Variants in ADARB2 observed in about 807,000 individuals in gnomAD.
ADARB2 encodes the protein adenosine deaminase RNA specific B2 (inactive).
A neutral mutation model predicts 62.2 loss-of-function variants in ADARB2; 25 were observed. The observed-to-expected ratio is 0.40, with a 90% CI of 0.29 to 0.56. The LOEUF (loss-of-function observed/expected upper bound fraction) is 0.56, where lower values mean the gene tolerates loss of function less well. ADARB2 is among the 20% of genes least tolerant of loss of function. The pLI, the probability that ADARB2 is intolerant of heterozygous loss-of-function variation, is 0.43. For missense variants in ADARB2, 1,071 were observed against 1,077.4 expected (o/e 0.99, Z 0.08); for synonymous variants, 572 against 500.8 (o/e 1.14, Z -1.90).
At chr10:1,384,247 C>T (rs532340284) in intron 1 of ADARB2, among the ~76,000 whole-genome samples, 16 of 152,340 alleles carry the variant, frequency 1.1e-4, no homozygotes, top group East Asian at 7.7e-4. Flanking sequence ...CTACGCTTCC[C>T]GGTCCAAGGA....
intron 1 of ADARB2, among the ~76,000 whole-genome samples, chr10:1,703,093 G>A (rs760541685): frequency 8.5e-5 from 13 of 152,156 alleles, no homozygotes; most frequent in Non-Finnish European, 1.6e-4. Flanking sequence ...AAGCAGACCC[G>A]TTCACTGATT....
intron 3 of ADARB2, among the ~76,000 whole-genome samples, chr10:1,345,362 T>C (rs1832071369): frequency 1.3e-5 from 2 of 152,186 alleles, no homozygotes; most frequent in Admixed American, 1.3e-4. Context: ...CTGCATATGT[T>C]GCTCCGGACA....
intron 1 of ADARB2, among the ~76,000 whole-genome samples, chr10:1,724,591 T>G (rs1208542404): frequency 6.6e-6 from 1 of 152,160 alleles, no homozygotes; most frequent in African/African-American, 2.4e-5. Flanking sequence ...TGCTCCTCAT[T>G]TCCATGGCCA....
chr10:1,393,970 G>T (rs141925356), intron 1 of ADARB2, among the ~76,000 whole-genome samples: 1 of 152,222 alleles, frequency 6.6e-6, no homozygotes, highest in African/African-American at 2.4e-5. Context: ...GGGGGTGGAG[G>T]CTGCAGAAGT....
At chr10:1,190,132 C>T (rs761597351) in intron 8 of ADARB2, among the ~76,000 whole-genome samples, 4 of 152,040 alleles carry the variant, frequency 2.6e-5, no homozygotes, top group Non-Finnish European at 4.4e-5. Context: ...AGAAATTGCA[C>T]GCAGGAGTCT....
At chr10:1,670,816 A>AGAGCAG (rs903402411) in intron 1 of ADARB2, among the ~76,000 whole-genome samples, 29 of 152,262 alleles carry the variant, frequency 1.9e-4, no homozygotes, top group African/African-American at 6.3e-4. Flanking sequence ...TGGTTCTGTA[A>AGAGCAG]GAGCAGGAGC....
chr10:1,585,848 C>A (rs542982024), intron 1 of ADARB2, among the ~76,000 whole-genome samples: 3 of 152,226 alleles, frequency 2.0e-5, no homozygotes, highest in South Asian at 4.1e-4. Flanking sequence ...TCCTGGCTAA[C>A]ACGGTGAAAC....
chr10:1,570,470 G>A (rs1010140620), intron 1 of ADARB2, among the ~76,000 whole-genome samples: 3 of 152,286 alleles, frequency 2.0e-5, no homozygotes, highest in East Asian at 1.9e-4. Flanking sequence ...CTCACCGCAC[G>A]GCAGGAAAGG....
intron 1 of ADARB2, among the ~76,000 whole-genome samples, chr10:1,721,391 A>G (rs2119165147): frequency 6.6e-6 from 1 of 152,328 alleles, no homozygotes; most frequent in Non-Finnish European, 1.5e-5. Context: ...TAAAAGTACC[A>G]CCTTACTGTC....
chr10:1,247,363 T>C (rs907142213), intron 4 of ADARB2, among the ~76,000 whole-genome samples: 6 of 152,204 alleles, frequency 3.9e-5, no homozygotes, highest in African/African-American at 1.2e-4. Flanking sequence ...CTTCCAACAC[T>C]ATGTTGAATA....
chr10:1,716,864 CAAA>C (rs1835022287), intron 1 of ADARB2, among the ~76,000 whole-genome samples: 1 of 152,118 alleles, frequency 6.6e-6, no homozygotes, highest in South Asian at 2.1e-4. Context: ...AAAAAGTCTA[CAAA>C]ATAACCGTAA....
At chr10:1,638,637 G>T (rs1364464938) in intron 1 of ADARB2, among the ~76,000 whole-genome samples, 1 of 152,100 alleles carries the variant, frequency 6.6e-6, no homozygotes, top group Non-Finnish European at 1.5e-5. Context: ...ACAACAAGCC[G>T]ATGAGGCAGA....
At chr10:1,585,389 A>T (rs1833162086) in intron 1 of ADARB2, among the ~76,000 whole-genome samples, 1 of 152,030 alleles carries the variant, frequency 6.6e-6, no homozygotes, top group Non-Finnish European at 1.5e-5. Context: ...CTACAAAGAT[A>T]AAAAAAAGCT....
At chr10:1,441,487 C>T (rs1465208920) in intron 1 of ADARB2, among the ~76,000 whole-genome samples, 1 of 152,036 alleles carries the variant, frequency 6.6e-6, no homozygotes, top group African/African-American at 2.4e-5. Context: ...GGAAGACACT[C>T]AATAATAAAT....
chr10:1,675,213 C>T (rs1253366379), intron 1 of ADARB2: 2 of 958,332 alleles, frequency 2.1e-6, no homozygotes, highest in Non-Finnish European at 2.4e-6. Context: ...GGTTTGGGTT[C>T]AGGGATGCAT....
chr10:1,185,715 C>T (rs1836747287), intron 8 of ADARB2, among the ~76,000 whole-genome samples: 1 of 152,222 alleles, frequency 6.6e-6, no homozygotes, highest in Admixed American at 6.5e-5. Flanking sequence ...CCTGTGTGAG[C>T]TGCAGGGCTG....
At chr10:1,676,569 C>T (rs754752529) in intron 1 of ADARB2, among the ~76,000 whole-genome samples, 21 of 152,082 alleles carry the variant, frequency 1.4e-4, no homozygotes, top group Non-Finnish European at 2.8e-4. Context: ...CAATATTCTC[C>T]AGACTGGGGA....
At chr10:1,427,950 G>T (rs914617508) in intron 1 of ADARB2, among the ~76,000 whole-genome samples, 1 of 151,108 alleles carries the variant, frequency 6.6e-6, no homozygotes, top group African/African-American at 2.4e-5. Context: ...CATGCTGAAT[G>T]AAAAAAGCCA....
chr10:1,736,118 G>C (rs1343267142), intron 1 of ADARB2, among the ~76,000 whole-genome samples: 1 of 152,150 alleles, frequency 6.6e-6, no homozygotes, highest in Non-Finnish European at 1.5e-5. Context: ...ATCATGATTA[G>C]AACTGAACTT....
Sources: gnomAD v4.1 joint callset for allele counts (sites outside exome capture counted in the v4.1 genomes callset) on GRCh38, gnomAD v4.1.1 for gene constraint, MANE v1.5 for transcripts, NCBI Gene and HGNC (gene_info 2026-07-23, HGNC 2026-07-21) for gene names.